Variants in PHLPP2 observed in about 807,000 individuals in gnomAD.
PHLPP2 encodes PH domain leucine-rich repeat-containing protein phosphatase 2.
Under a neutral mutation model 124.9 loss-of-function variants are expected in PHLPP2, and 66 were observed. The observed-to-expected ratio is 0.53, with a 90% CI of 0.43 to 0.65. The LOEUF is 0.65. Among genes scored for constraint, PHLPP2 ranks in the 30% least tolerant of loss-of-function variants. The probability of loss-of-function intolerance (pLI) is 0.00; values close to 1 mark genes in which losing one functional copy is unlikely to be tolerated. For missense variants in PHLPP2, 1,685 were observed against 1,600.4 expected (o/e 1.05, Z -0.90); for synonymous variants, 681 against 624.7 (o/e 1.09, Z -1.34).
Position 71,672,305 on chromosome 16 carries a change from C to G in PHLPP2, c.1489G>C (p.Val497Leu). 1 of 1,613,390 alleles carries G rather than the reference C, an allele frequency of 6.2e-7. No individual in the cohort carries two copies. Among genetic ancestry groups the G allele is most frequent in the Middle Eastern group, 1.7e-4 (1 of 6,058 alleles). Residue 497 changes from valine (V) to leucine (L), a missense_variant, in exon 10 of 19, where the codon GTC becomes CTC. By Grantham distance (32) the Val-to-Leu change is conservative (BLOSUM62 1). Coordinates refer to ENST00000568954, the MANE Select transcript of PHLPP2 (RefSeq NM_015020.3). ...ASSNRLTAVN[V>L]YPVPSLLTFL... ...GTGAGCAGGCTGGGTACTGGATAGA[C>G]GTTCACTGCTGTCAGCCCTAATCCA...
intron 4 of PHLPP2, among the ~76,000 whole-genome samples, chr16:71,686,620 C>T (rs4788550): frequency 0.84 from 128,243 of 152,124 alleles, 54,239 homozygotes; most frequent in East Asian, 0.99. Context: ...CTGGCAATCA[C>T]TGATCTGTTT....
intron 9 of PHLPP2, among the ~76,000 whole-genome samples, chr16:71,674,414 C>A (rs556840681): frequency 6.6e-6 from 1 of 150,828 alleles, no homozygotes; most frequent in South Asian, 2.1e-4. Flanking sequence ...ATTAAAATAC[C>A]ACACATACCA....
intron 13 of PHLPP2, among the ~76,000 whole-genome samples, chr16:71,659,626 T>G (rs2044771858): frequency 6.6e-6 from 1 of 152,170 alleles, no homozygotes; most frequent in South Asian, 2.1e-4. Flanking sequence ...CACTAAACAT[T>G]TATCAAGTTC....
chr16:71,678,912 A>G lies in PHLPP2; in HGVS notation c.1111T>C (p.Ser371Pro), dbSNP rs749630797. The G allele has an allele frequency of 6.2e-7, 1 of 1,613,386 alleles. No individual in the cohort carries two copies. Among genetic ancestry groups the G allele is most frequent in the Non-Finnish European group, 8.5e-7 (1 of 1,179,356 alleles). ...PEELGNLQQL[S>P]SLGISFNNFS... ...TTGTTGAAGGAAATTCCCAAGGAGG[A>G]AAGCTGTTGTAGATTTCCCAATTCT... is the stretch of plus-strand genomic sequence containing the variant. The change falls in exon 8 of 19, where the codon TCC becomes CCC. Residue 371 changes from serine to proline, a missense_variant. Coordinates refer to ENST00000568954, the MANE Select transcript of PHLPP2 (RefSeq NM_015020.3).
chr16:71,685,184 G>A (rs1486986515), intron 4 of PHLPP2, among the ~76,000 whole-genome samples: 4 of 152,126 alleles, frequency 2.6e-5, no homozygotes, highest in Non-Finnish European at 4.4e-5. Context: ...AAAATTAGCC[G>A]GGTGTGGTCA....
In PHLPP2 at chr16:71,655,313, C is replaced by A. The variant is rs761790804; in HGVS notation, c.2512G>T (p.Val838Leu). The A allele has an allele frequency of 1.9e-6, 3 of 1,614,052 alleles. No homozygotes were observed. Among genetic ancestry groups the A allele is most frequent in the Non-Finnish European group, 8.5e-7 (1 of 1,179,882 alleles). Residue 838 changes from valine to leucine, a missense_variant, in exon 17 of 19, where the codon GTG becomes TTG. Transcript: ENST00000568954. The part of the protein sequence containing the change: ...PRLLQCTMAD[V>L]LLEEVQQSTN... Reference sequence around the variant, plus strand: ...GACTGCTGTACCTCTTCTAAAAGCACATCTGCCATCGTACACTGCAGCAGG... The same window carrying A: ...GACTGCTGTACCTCTTCTAAAAGCAAATCTGCCATCGTACACTGCAGCAGG...
At chr16:71,702,756 T>C in intron 2 of PHLPP2, 25 bp from the exon 3 acceptor site, 3 of 1,509,734 alleles carry the variant, frequency 2.0e-6, no homozygotes, top group Non-Finnish European at 2.7e-6. Context: ...CAAAAAAATA[T>C]ATATATTTGG....
At chr16:71,684,426 T>C (rs1295096761) in intron 5 of PHLPP2, 50 bp downstream of exon 5, 1 of 1,601,486 alleles carries the variant, frequency 6.2e-7, no homozygotes, top group African/African-American at 1.3e-5. Flanking sequence ...ACGCCCGGCC[T>C]AGGGTTCTCT....
intron 9 of PHLPP2, among the ~76,000 whole-genome samples, chr16:71,673,387 C>G (rs2044912318): frequency 6.6e-6 from 1 of 152,148 alleles, no homozygotes; most frequent in Non-Finnish European, 1.5e-5. Context: ...TGGTGCCACG[C>G]AGGAGTTTCA....
chr16:71,723,221 G>C (rs550796410), intron 1 of PHLPP2: 1 of 152,276 alleles, frequency 6.6e-6, no homozygotes, highest in Non-Finnish European at 1.5e-5. Context: ...CTGGCACCTC[G>C]GGTAGCGAGC....
At chr16:71,659,528 G>C (rs1225716178) in intron 13 of PHLPP2, among the ~76,000 whole-genome samples, 1 of 152,118 alleles carries the variant, frequency 6.6e-6, no homozygotes, top group Non-Finnish European at 1.5e-5. Flanking sequence ...TGGTATTATA[G>C]GCATGAGCCA....
chr16:71,676,913 A>C lies in PHLPP2; in HGVS notation c.1269-264T>G, dbSNP rs572874266. On this transcript the variant is annotated intron_variant, in intron 8 of 18. Transcript: ENST00000568954. ...AGAATCACCCCCACCATGCCAGGCT[A>C]ATTTTTTGTATTTTTAGTAGAGCTG... 50 of 397,208 alleles carry C rather than the reference A, an allele frequency of 1.3e-4. 1 individual carries two copies. The highest frequency in any genetic ancestry group is 1.0e-3 in the African/African-American group (49 of 48,756). 24.6% of individuals were successfully genotyped at this position (397,208 alleles called of 1,614,324 possible).
At chr16:71,693,926 C>CCCATACTAATATGGGA (rs1338043325) in intron 3 of PHLPP2, among the ~76,000 whole-genome samples, 3 of 152,130 alleles carry the variant, frequency 2.0e-5, no homozygotes, top group African/African-American at 7.2e-5. Flanking sequence ...GGTGTAGTGG[C>CCCATACTAATATGGGA]TTACAACTGT....
At chr16:71,675,048 T>A (rs969966053) in intron 9 of PHLPP2, among the ~76,000 whole-genome samples, 1 of 152,126 alleles carries the variant, frequency 6.6e-6, no homozygotes, top group African/African-American at 2.4e-5. Flanking sequence ...CTGTTATACA[T>A]CTCCTTGTGC....
At chr16:71,653,962 G>T (rs892022740) in intron 17 of PHLPP2, among the ~76,000 whole-genome samples, 1 of 151,968 alleles carries the variant, frequency 6.6e-6, no homozygotes, top group African/African-American at 2.4e-5. Context: ...TTGGGAGGCC[G>T]AGGTGGGCAG....
In PHLPP2 at chr16:71,656,442, C is replaced by T. The variant is rs188427583; in HGVS notation, c.2390+129G>A. 7.1e-4 allele frequency: 424 copies of T among 600,280 alleles called. 1 individual carries two copies. The highest frequency in any genetic ancestry group is 3.1e-3 in the South Asian group (148 of 47,328). 37.2% of individuals were successfully genotyped at this position (600,280 alleles called of 1,614,324 possible). A position where few individuals can be genotyped will look rare whatever the true frequency, so the allele number is the denominator to read the frequency against. On this transcript the variant is annotated intron_variant, in intron 16 of 18. Coordinates refer to ENST00000568954, the MANE Select transcript of PHLPP2 (RefSeq NM_015020.3). ...ATGATCCCAAAGGGATCTTATCTGA[C>T]GCTGATGTTCTATGATTTGTCTGTG... is the stretch of plus-strand genomic sequence containing the variant.
rs1264314791 is a variant in PHLPP2, at chr16:71,645,897, T to C, written c.*2993A>G. 1 of 152,448 alleles carries C rather than the reference T, an allele frequency of 6.6e-6. No homozygotes were observed. Among genetic ancestry groups the C allele is most frequent in the Non-Finnish European group, 1.5e-5 (1 of 68,040 alleles). The allele number at this position is 152,448 out of a possible 1,614,324, so 9.4% of individuals were successfully genotyped here. Reference sequence around the variant, plus strand: ...TCCTTCCAATCCATTTGGACAAAAATACACCATGGCTGCCAAGACACATGT... The same window carrying C: ...TCCTTCCAATCCATTTGGACAAAAACACACCATGGCTGCCAAGACACATGT... On this transcript the variant is annotated 3_prime_UTR_variant, in exon 19 of 19. Transcript: ENST00000568954.
chr16:71,702,259 G>T (rs2045239493), intron 3 of PHLPP2, among the ~76,000 whole-genome samples: 1 of 152,020 alleles, frequency 6.6e-6, no homozygotes, highest in Non-Finnish European at 1.5e-5. Flanking sequence ...CAACATTTTT[G>T]AGCTATCCAG....
intron 2 of PHLPP2, among the ~76,000 whole-genome samples, chr16:71,706,978 C>T (rs551673581): frequency 1.4e-4 from 13 of 93,798 alleles, no homozygotes; most frequent in African/African-American, 4.3e-4. Context: ...TTTTTTGAGA[C>T]GGAGTCTTGC....
Sources: gnomAD v4.1 joint callset for allele counts (sites outside exome capture counted in the v4.1 genomes callset) on GRCh38, gnomAD v4.1.1 for gene constraint, MANE v1.5 for transcripts, NCBI Gene and HGNC (gene_info 2026-07-23, HGNC 2026-07-21) for gene names.